Variants in PVT1 observed in about 807,000 individuals in gnomAD.
The protein encoded by PVT1 is CXCR4/PVT1 fusion.
intron 3 of PVT1, among the ~76,000 whole-genome samples, chr8:127,920,466 G>A (rs1816042777): frequency 6.6e-6 from 1 of 152,178 alleles, no homozygotes; most frequent in South Asian, 2.1e-4. Flanking sequence ...TGTTGCATCT[G>A]TAAATGAGAC....
chr8:127,999,650 C>T (rs1050858246), intron 4 of PVT1, among the ~76,000 whole-genome samples: 2 of 152,224 alleles, frequency 1.3e-5, no homozygotes, highest in South Asian at 2.1e-4. Flanking sequence ...TTAGTAGAAA[C>T]GGGGTTTCAC....
At chr8:127,869,614 T>A (rs1188873820) in intron 2 of PVT1, among the ~76,000 whole-genome samples, 3 of 152,174 alleles carry the variant, frequency 2.0e-5, no homozygotes, top group Non-Finnish European at 4.4e-5. Context: ...TTCTGAGACC[T>A]TAAGGGCCTG....
intron 4 of PVT1, among the ~76,000 whole-genome samples, chr8:128,056,690 A>G (rs1185321182): frequency 1.3e-5 from 2 of 152,158 alleles, no homozygotes; most frequent in Non-Finnish European, 2.9e-5. Context: ...CATCAGAAGT[A>G]TATCAGTGGG....
At chr8:127,936,286 A>T (rs576376695) in intron 3 of PVT1, among the ~76,000 whole-genome samples, 1 of 151,886 alleles carries the variant, frequency 6.6e-6, no homozygotes, top group African/African-American at 2.4e-5. Context: ...TCCCGACCTC[A>T]GGTGTTCTGC....
intron 3 of PVT1, among the ~76,000 whole-genome samples, chr8:127,980,940 G>A (rs1816876614): frequency 6.6e-6 from 1 of 151,972 alleles, no homozygotes; most frequent in African/African-American, 2.4e-5. Flanking sequence ...GGGATTACGG[G>A]CATCCACCAC....
At chr8:128,050,845 C>T (rs4733829) in intron 4 of PVT1, among the ~76,000 whole-genome samples, 41,549 of 152,134 alleles carry the variant, frequency 0.27, 5,934 homozygotes, top group South Asian at 0.44. Context: ...TCAAACTCCA[C>T]CTGTCCTCAA....
intron 2 of PVT1, among the ~76,000 whole-genome samples, chr8:127,871,241 C>T (rs1307312157): frequency 6.6e-6 from 1 of 152,222 alleles, no homozygotes; most frequent in African/African-American, 2.4e-5. Flanking sequence ...AGTGACACTC[C>T]TCCACATTTT....
intron 2 of PVT1, among the ~76,000 whole-genome samples, chr8:127,812,495 G>A (rs936007332): frequency 7.2e-5 from 11 of 151,756 alleles, no homozygotes; most frequent in Non-Finnish European, 1.5e-5. Flanking sequence ...GGGAAGTTGA[G>A]GCTGCAGTGA....
At chr8:128,057,190 G>A (rs1407814427) in intron 4 of PVT1, among the ~76,000 whole-genome samples, 4 of 152,090 alleles carry the variant, frequency 2.6e-5, no homozygotes, top group African/African-American at 9.7e-5. Flanking sequence ...CTTCCCCGAG[G>A]CCTTCCCACT....
At chr8:127,939,323 C>T (rs966045018) in intron 3 of PVT1, among the ~76,000 whole-genome samples, 3 of 152,290 alleles carry the variant, frequency 2.0e-5, no homozygotes, top group Non-Finnish European at 4.4e-5. Context: ...GGCCTACGAC[C>T]GCAGATGGAG....
At chr8:127,828,575 G>T (rs926872129) in intron 2 of PVT1, among the ~76,000 whole-genome samples, 1 of 152,158 alleles carries the variant, frequency 6.6e-6, no homozygotes, top group African/African-American at 2.4e-5. Context: ...TAGAAAACTT[G>T]CATGAAACCT....
chr8:127,992,657 G>A (rs2130001646), intron 4 of PVT1, among the ~76,000 whole-genome samples: 1 of 152,300 alleles, frequency 6.6e-6, no homozygotes, highest in South Asian at 2.1e-4. Flanking sequence ...TCTCCTTCCA[G>A]CTCCTGACCT....
At chr8:128,033,602 G>A (rs779014785) in intron 4 of PVT1, among the ~76,000 whole-genome samples, 2 of 152,184 alleles carry the variant, frequency 1.3e-5, no homozygotes, top group Admixed American at 6.5e-5. Flanking sequence ...TTTGAGATAG[G>A]TCATGGAGAA....
intron 5 of PVT1, among the ~76,000 whole-genome samples, chr8:128,086,387 C>G (rs1814255150): frequency 6.6e-6 from 1 of 152,128 alleles, no homozygotes; most frequent in Non-Finnish European, 1.5e-5. Flanking sequence ...TACGGCTGCC[C>G]CAAGTGCTAC....
At chr8:128,036,013 G>A (rs1306987508) in intron 4 of PVT1, among the ~76,000 whole-genome samples, 1 of 152,230 alleles carries the variant, frequency 6.6e-6, no homozygotes, top group Non-Finnish European at 1.5e-5. Context: ...AGTTTGCGAT[G>A]ATTTGTTACA....
At chr8:127,907,535 G>T (rs1394393780) in intron 3 of PVT1, among the ~76,000 whole-genome samples, 1 of 152,200 alleles carries the variant, frequency 6.6e-6, no homozygotes, top group Non-Finnish European at 1.5e-5. Context: ...AAATTCTGCT[G>T]CAGCTCTGTG....
chr8:127,934,230 G>C (rs1385512882), intron 3 of PVT1, among the ~76,000 whole-genome samples: 1 of 152,220 alleles, frequency 6.6e-6, no homozygotes, highest in Non-Finnish European at 1.5e-5. Flanking sequence ...TTCTTTTTGG[G>C]GGAAGGATGC....
chr8:128,033,872 C>T (rs1813428135), intron 4 of PVT1, among the ~76,000 whole-genome samples: 2 of 152,156 alleles, frequency 1.3e-5, no homozygotes, highest in Admixed American at 1.3e-4. Context: ...CTTAGGAATA[C>T]TTTTCTTCAC....
At chr8:127,921,854 G>GTTTTTTTTTTTT (rs71300279) in intron 3 of PVT1, among the ~76,000 whole-genome samples, 7 of 71,906 alleles carry the variant, frequency 9.7e-5, no homozygotes, top group Admixed American at 2.4e-4. Flanking sequence ...TTTGGTTCAT[G>GTTTTTTTTTTTT]TTTTTTTTTT....
Sources: allele counts gnomAD v4.1 joint callset (sites outside exome capture counted in the v4.1 genomes callset), GRCh38; gene constraint gnomAD v4.1.1; transcripts MANE v1.5; gene names NCBI Gene and HGNC (gene_info 2026-07-23, HGNC 2026-07-21).